Variants in DACH2 observed in about 807,000 individuals in gnomAD.
The protein encoded by DACH2 is dachshund homolog 2.
DACH2 carries 17 observed loss-of-function variants against 35.8 expected under a neutral mutation model. The observed-to-expected ratio is 0.48, with a 90% CI of 0.33 to 0.71. The LOEUF (loss-of-function observed/expected upper bound fraction) is 0.71, where lower values mean the gene tolerates loss of function less well. Among genes scored for constraint, DACH2 ranks in the 30% least tolerant of loss-of-function variants. DACH2 has a pLI of 0.02. For synonymous variants in DACH2, 195 were observed against 177.3 expected (o/e 1.10, Z -0.79); for missense variants, 469 against 472.7 (o/e 0.99, Z 0.07).
At chrX:86,623,623 T>C (rs1347194598) in intron 3 of DACH2, among the ~76,000 whole-genome samples, 1 of 111,761 alleles carries the variant, frequency 8.9e-6, no homozygotes, top group Admixed American at 9.5e-5. Context: ...GTGAGCAATG[T>C]GAAGATACTC....
chrX:86,532,382 G>T (rs1055922174), intron 3 of DACH2, among the ~76,000 whole-genome samples: 1 of 111,291 alleles, frequency 9.0e-6, no homozygotes, highest in Non-Finnish European at 1.9e-5. Flanking sequence ...CAGAGAAGGG[G>T]CCTGGTGGGA....
chrX:86,489,436 A>G (rs1056412999), intron 2 of DACH2, among the ~76,000 whole-genome samples: 5 of 111,398 alleles, frequency 4.5e-5, no homozygotes, highest in African/African-American at 1.3e-4. Context: ...ATGGAATAAT[A>G]TAAATTATAG....
At chrX:86,417,430 G>T (rs142879168) in intron 2 of DACH2, among the ~76,000 whole-genome samples, 3 of 112,031 alleles carry the variant, frequency 2.7e-5, no homozygotes, top group Non-Finnish European at 5.6e-5. Flanking sequence ...AGGGCCACAG[G>T]GCTGAGGAGA....
At chrX:86,707,932 T>TAAAAAAAAAAAAAAAAAAAAAAAAAAAAA (rs2041237438) in intron 5 of DACH2, among the ~76,000 whole-genome samples, 2 of 24,369 alleles carry the variant, frequency 8.2e-5, no homozygotes, top group Admixed American at 4.8e-4. Context: ...AAAAAAAAAT[T>TAAAAAAAAAAAAAAAAAAAAAAAAAAAAA]ACACACCATG....
chrX:86,182,447 T>C (rs2031525748), intron 1 of DACH2, among the ~76,000 whole-genome samples: 1 of 112,233 alleles, frequency 8.9e-6, no homozygotes, highest in Non-Finnish European at 1.9e-5. Flanking sequence ...TAGGGAATCC[T>C]TTCCCCATTG....
intron 1 of DACH2, among the ~76,000 whole-genome samples, chrX:86,214,766 G>A (rs1423424046): frequency 9.0e-6 from 1 of 111,660 alleles, no homozygotes; most frequent in Non-Finnish European, 1.9e-5. Context: ...GGTTCACAAT[G>A]AAAAACCTGG....
rs1281487229 is a variant in DACH2, at chrX:86,667,529, GAAAGAAAGAAAGAAAGAAGAAAGA to G, written c.772+16365_772+16388del. Among the ~76,000 whole-genome samples the G allele has an allele frequency of 2.6e-3, 158 of 61,167 alleles. 1 individual carries two copies. Among genetic ancestry groups the G allele is most frequent in the Middle Eastern group, 0.023 (3 of 132 alleles). 53.1% of individuals were successfully genotyped at this position (61,167 alleles called of 115,157 possible). A position where few individuals can be genotyped will look rare whatever the true frequency, so the allele number is the denominator to read the frequency against. ...AGAAAGAAAGAAAGAAAGAAAGAAAGAAAGAAAGAAAGAAAGAAGAAAGAAAGAAAGAAAGAAAGAAAGAAAGAA... is the reference window on the plus strand; with the variant it reads ...AGAAAGAAAGAAAGAAAGAAAGAAAGAAGAAAGAAAGAAAGAAAGAAAGAA... On this transcript the variant is annotated intron_variant, in intron 4 of 11. Coordinates refer to ENST00000373125, the MANE Select transcript of DACH2 (RefSeq NM_053281.3).
intron 2 of DACH2, among the ~76,000 whole-genome samples, chrX:86,394,791 A>T (rs1218813786): frequency 1.8e-5 from 2 of 111,767 alleles, no homozygotes; most frequent in East Asian, 5.6e-4. Flanking sequence ...AGTGTTCAGA[A>T]CCAAGTTTAG....
chrX:86,207,500 T>C (rs2147910002), intron 1 of DACH2, among the ~76,000 whole-genome samples: 1 of 110,917 alleles, frequency 9.0e-6, no homozygotes, highest in African/African-American at 3.3e-5. Flanking sequence ...ATTGTGTGCC[T>C]GTATCAAAAT....
intron 3 of DACH2, among the ~76,000 whole-genome samples, chrX:86,621,604 C>A (rs965825268): frequency 9.0e-6 from 1 of 111,309 alleles, no homozygotes; most frequent in Non-Finnish European, 1.9e-5. Context: ...TTGTTCAATT[C>A]TCTGCCTTAT....
At chrX:86,674,586 T>G (rs1423618456) in intron 4 of DACH2, among the ~76,000 whole-genome samples, 1 of 112,235 alleles carries the variant, frequency 8.9e-6, no homozygotes, top group African/African-American at 3.2e-5. Context: ...GATGTTGAAC[T>G]TATTTCAGAT....
At chrX:86,339,350 G>A (rs541207142) in intron 1 of DACH2, among the ~76,000 whole-genome samples, 2 of 111,471 alleles carry the variant, frequency 1.8e-5, no homozygotes, top group South Asian at 7.5e-4. Flanking sequence ...AAATCTTAAA[G>A]GTTCATTTAG....
At chrX:86,316,891 A>T (rs2034920438) in intron 1 of DACH2, among the ~76,000 whole-genome samples, 1 of 110,939 alleles carries the variant, frequency 9.0e-6, no homozygotes, top group Non-Finnish European at 1.9e-5. Context: ...AGCCGGAGGC[A>T]GGTGGATCGC....
At position 86,558,217 on chromosome X, in the gene DACH2, C is replaced by T. The variant is rs1337170444; in HGVS notation, c.640+43826C>T. On this transcript the variant is annotated intron_variant, in intron 3 of 11. Transcript: ENST00000373125. ...ATAATCATGTGGTTTTTGTCTTTGGCTCTGTTTATATGCGGGATTACATTT... is the reference window on the plus strand; with the variant it reads ...ATAATCATGTGGTTTTTGTCTTTGGTTCTGTTTATATGCGGGATTACATTT... Among the ~76,000 whole-genome samples the T allele has an allele frequency of 2.6e-4, 12 of 46,245 alleles. 1 individual carries two copies. Among genetic ancestry groups the T allele is most frequent in the South Asian group, 9.9e-4 (1 of 1,013 alleles). 40.2% of individuals were successfully genotyped at this position (46,245 alleles called of 115,157 possible).
At chrX:86,790,741 T>C (rs958553713) in intron 7 of DACH2, among the ~76,000 whole-genome samples, 10 of 110,917 alleles carry the variant, frequency 9.0e-5, no homozygotes, top group African/African-American at 3.3e-4. Context: ...AGGGTCTTGC[T>C]ATGTTACCCA....
intron 1 of DACH2, among the ~76,000 whole-genome samples, chrX:86,289,404 T>G (rs1447487927): frequency 2.0e-5 from 2 of 102,413 alleles, no homozygotes; most frequent in Non-Finnish European, 4.1e-5. Context: ...TCTAAGCAGG[T>G]TTCTTTTATT....
intron 11 of DACH2, among the ~76,000 whole-genome samples, chrX:86,823,233 C>A: frequency 8.9e-6 from 1 of 111,959 alleles, no homozygotes; most frequent in East Asian, 2.8e-4. Context: ...CCACTCCCAG[C>A]CACTTAACTA....
chrX:86,597,886 G>T (rs764119736), intron 3 of DACH2, among the ~76,000 whole-genome samples: 1 of 111,677 alleles, frequency 9.0e-6, no homozygotes, highest in South Asian at 3.7e-4. Context: ...TGCTGATAAA[G>T]ATATACCCAA....
At chrX:86,358,370 A>T (rs1030853993) in intron 1 of DACH2, among the ~76,000 whole-genome samples, 2 of 108,767 alleles carry the variant, frequency 1.8e-5, no homozygotes, top group Non-Finnish European at 3.8e-5. Context: ...TTTAAGTACG[A>T]TTCAAAGTAG....
Sources: allele counts gnomAD v4.1 joint callset (sites outside exome capture counted in the v4.1 genomes callset), GRCh38; gene constraint gnomAD v4.1.1; transcripts MANE v1.5; gene names NCBI Gene and HGNC (gene_info 2026-07-23, HGNC 2026-07-21).